Variants in RFX8 observed in about 807,000 individuals in gnomAD.
RFX8 encodes DNA-binding protein RFX8.
A neutral mutation model predicts 54.6 loss-of-function variants in RFX8; 46 were observed. That is an observed-to-expected ratio of 0.84 (90% CI 0.67 to 1.08). The LOEUF (loss-of-function observed/expected upper bound fraction) is 1.08, where lower values mean the gene tolerates loss of function less well. RFX8 is among the 50% of genes least tolerant of loss of function. The probability of loss-of-function intolerance (pLI) is 0.00; values close to 1 mark genes in which losing one functional copy is unlikely to be tolerated. For missense variants in RFX8, 536 were observed against 562.3 expected, an observed-to-expected ratio of 0.95 and a Z score of 0.47; for synonymous variants, 192 against 209.5, an observed-to-expected ratio of 0.92 and a Z score of 0.72.
At chr2:101,412,721 G>A (rs1251143987) in intron 8 of RFX8, among the ~76,000 whole-genome samples, 194 bp downstream of exon 8, 1 of 152,180 alleles carries the variant, frequency 6.6e-6, no homozygotes, top group Non-Finnish European at 1.5e-5. Flanking sequence ...GGTAGGTCCT[G>A]GGAGCACAGG....
chr2:101,423,962 G>C (rs1330091761), intron 2 of RFX8, among the ~76,000 whole-genome samples: 1 of 152,174 alleles, frequency 6.6e-6, no homozygotes, highest in Non-Finnish European at 1.5e-5. Flanking sequence ...TTGTGATTCT[G>C]AACCTCTTTG....
chr2:101,461,952 T>C (rs1461351646), intron 2 of RFX8, among the ~76,000 whole-genome samples: 3 of 152,150 alleles, frequency 2.0e-5, no homozygotes, highest in African/African-American at 7.2e-5. Context: ...TGAATTTGTC[T>C]AAGAATACCA....
intron 5 of RFX8, 106 bp downstream of exon 5, chr2:101,418,745 C>T (rs1686683418): frequency 1.4e-6 from 1 of 730,036 alleles, no homozygotes; most frequent in East Asian, 2.7e-5. Context: ...ATTCACTCCT[C>T]AGAGGACCAT....
chr2:101,404,296 A>T (rs1685604634), intron 10 of RFX8, among the ~76,000 whole-genome samples: 1 of 152,190 alleles, frequency 6.6e-6, no homozygotes. Flanking sequence ...GCCTGACAAC[A>T]TCGTCTTTCC....
chr2:101,416,267 G>A (rs1287111011), intron 6 of RFX8, among the ~76,000 whole-genome samples: 2 of 152,166 alleles, frequency 1.3e-5, no homozygotes, highest in Admixed American at 6.5e-5. Context: ...ACAGAGGCTT[G>A]AATTCGGGCA....
chr2:101,435,773 A>G (rs1019089051), intron 2 of RFX8, among the ~76,000 whole-genome samples: 1 of 152,116 alleles, frequency 6.6e-6, no homozygotes, highest in Non-Finnish European at 1.5e-5. Flanking sequence ...AATGTGCTGG[A>G]CTTTGTGAGG....
chr2:101,417,190 A>G (rs934689439), intron 6 of RFX8, among the ~76,000 whole-genome samples: 2 of 152,176 alleles, frequency 1.3e-5, no homozygotes, highest in African/African-American at 4.8e-5. Flanking sequence ...CTACGCTTAC[A>G]GAATTTATTT....
chr2:101,443,023 T>C (rs147636237), intron 2 of RFX8, among the ~76,000 whole-genome samples: 3 of 152,248 alleles, frequency 2.0e-5, no homozygotes, highest in African/African-American at 7.2e-5. Context: ...AGGAGAGTAT[T>C]TTCTCTATTA....
At chr2:101,450,670 C>A in intron 2 of RFX8, 1 of 1,478,580 alleles carries the variant, frequency 6.8e-7, no homozygotes, top group Non-Finnish European at 9.1e-7. Context: ...CAGATTCCAT[C>A]ATAATGATAC....
At chr2:101,410,020 T>C (rs893387743) in intron 9 of RFX8, among the ~76,000 whole-genome samples, 4 of 152,126 alleles carry the variant, frequency 2.6e-5, no homozygotes, top group African/African-American at 4.8e-5. Flanking sequence ...CTTTGGGCTT[T>C]TGAAATCAAG....
chr2:101,421,174 A>G (rs1686841502), intron 4 of RFX8: 1 of 847,022 alleles, frequency 1.2e-6, no homozygotes, highest in Non-Finnish European at 1.4e-6. Flanking sequence ...CTAAAGCATC[A>G]GGAAAAAAAT....
intron 2 of RFX8, chr2:101,452,328 T>C: frequency 2.1e-6 from 2 of 965,452 alleles, no homozygotes; most frequent in Admixed American, 5.7e-5. Flanking sequence ...ATTCATTTTG[T>C]GATTTTCCAA....
chr2:101,450,534 G>T (rs948553823), intron 2 of RFX8: 2 of 838,432 alleles, frequency 2.4e-6, no homozygotes, highest in Non-Finnish European at 1.9e-6. Context: ...GGCCTGAATG[G>T]TTCTAACATT....
At chr2:101,449,011 CTG>C (rs1373101453) in intron 2 of RFX8, among the ~76,000 whole-genome samples, 1 of 152,072 alleles carries the variant, frequency 6.6e-6, no homozygotes, top group Non-Finnish European at 1.5e-5. Flanking sequence ...CAGGTGGTCT[CTG>C]AGGTATGTCC....
In RFX8 at chr2:101,401,176, G is replaced by GTGA. The variant is rs374311199; in HGVS notation, c.1245+1257_1245+1259dup. ...GAGAGCACCGAATGCAGCTGGATAC[G>GTGA]TGACTTACTATCTCAAAGTGAGAAA... On this transcript the variant is annotated intron_variant, in intron 11 of 11. Transcript: ENST00000428343. Among the ~76,000 whole-genome samples the GTGA allele has an allele frequency of 3.0e-4, 46 of 152,290 alleles. 2 individuals are homozygous for GTGA. The highest frequency in any genetic ancestry group is 8.2e-4 in the African/African-American group (34 of 41,554).
intron 2 of RFX8, among the ~76,000 whole-genome samples, chr2:101,453,813 C>T (rs1199042180): frequency 6.6e-6 from 1 of 152,122 alleles, no homozygotes; most frequent in East Asian, 1.9e-4. Context: ...TATAATTGGG[C>T]TCACAGGTTG....
At chr2:101,407,122 CCCACCACAGCT>C (rs1396631294) in intron 9 of RFX8, among the ~76,000 whole-genome samples, 1 of 152,218 alleles carries the variant, frequency 6.6e-6, no homozygotes, top group Non-Finnish European at 1.5e-5. Context: ...TGCCTGTGGA[CCCACCACAGCT>C]CCACCACATG....
At chr2:101,411,393 T>C (rs1202286082) in intron 8 of RFX8, among the ~76,000 whole-genome samples, 1 of 152,170 alleles carries the variant, frequency 6.6e-6, no homozygotes, top group Non-Finnish European at 1.5e-5. Context: ...GGCAGTCTGC[T>C]ATCTCCCTGC....
intron 1 of RFX8, among the ~76,000 whole-genome samples, chr2:101,469,067 TATATATATATAA>T (rs1558896597): frequency 1.9e-4 from 2 of 10,270 alleles, no homozygotes; most frequent in African/African-American, 7.1e-4. Context: ...TATATATATG[TATATATATATAA>T]GTGTATATAT....
Sources: allele counts gnomAD v4.1 joint callset (sites outside exome capture counted in the v4.1 genomes callset), GRCh38; gene constraint gnomAD v4.1.1; transcripts MANE v1.5; gene names NCBI Gene and HGNC (gene_info 2026-07-23, HGNC 2026-07-21).